The following LYST variants were observed in gnomAD, a reference collection of about 807,000 sequenced individuals.
LYST encodes lysosomal trafficking regulator.
Under a neutral mutation model 413.6 loss-of-function variants are expected in LYST, and 192 were observed. That is an observed-to-expected ratio of 0.46 (90% CI 0.41 to 0.52). The LOEUF is 0.52. LYST is among the 20% of genes least tolerant of loss of function. LYST has a pLI of 0.00. For missense variants in LYST, 3,815 were observed against 4,499.9 expected, an observed-to-expected ratio of 0.85 and a Z score of 4.35; for synonymous variants, 1,525 against 1,567.3, an observed-to-expected ratio of 0.97 and a Z score of 0.64.
chr1:235,722,779 C>T (rs531178941), intron 39 of LYST, among the ~76,000 whole-genome samples: 5 of 152,306 alleles, frequency 3.3e-5, no homozygotes, highest in South Asian at 2.1e-4. Context: ...CCACTGTGCC[C>T]GGCCCTGAGC....
At chr1:235,771,785 A>C (rs571649782) in intron 19 of LYST, among the ~76,000 whole-genome samples, 2 of 152,214 alleles carry the variant, frequency 1.3e-5, no homozygotes, top group South Asian at 2.1e-4. Flanking sequence ...CATACTCTTG[A>C]ATTGCCTCTT....
Position 235,755,498 on chromosome 1 carries a change from T to G in LYST, c.7209A>C (p.Arg2403=), listed in dbSNP as rs1452439148. Residue 2403 remains arginine, a synonymous_variant, in exon 25 of 53, where the codon CGA becomes CGC. Transcript: ENST00000389793. ...CTTACTCTTCATCAAGGCCAATATG[T>G]CGACCAAAGAACATTTCGATGAAGC... ...LECFIEMFFG[R]HIGLDEEFDL... The G allele has an allele frequency of 6.2e-7, 1 of 1,613,826 alleles. No homozygotes were observed. Among genetic ancestry groups the G allele is most frequent in the Non-Finnish European group, 8.5e-7 (1 of 1,179,774 alleles).
rs1680617271 is a variant in LYST at position 235,866,902 on chromosome 1, A to C, written c.-157T>G. ...CCCTCTCCCGGAGAACCCCGAGCCG[A>C]CGCCGCTGCCGCCGCCGCCGCGCAC... On this transcript the variant is annotated 5_prime_UTR_variant, in exon 1 of 53. Coordinates refer to ENST00000389793, the MANE Select transcript of LYST (RefSeq NM_000081.4). The C allele has an allele frequency of 1.3e-5, 2 of 152,672 alleles. No homozygotes were observed. Among genetic ancestry groups the C allele is most frequent in the South Asian group, 1.8e-4 (1 of 5,630 alleles). The allele number at this position is 152,672 out of a possible 1,614,324, so 9.5% of individuals were successfully genotyped here. A position where few individuals can be genotyped will look rare whatever the true frequency, so the allele number is the denominator to read the frequency against.
chr1:235,755,642 T>C lies in LYST; in HGVS notation c.7065A>G (p.Leu2355=). ...TAGATGCTCTAGCAAAATATGCATC[T>C]AATAGCTAAACAAAAAATTTAAGTC... ...PAIQQGVIKL[L]DAYFARASKE... Residue 2355 remains leucine (L), a synonymous_variant, in exon 25 of 53, where the codon TTA becomes TTG. Coordinates refer to ENST00000389793, the MANE Select transcript of LYST (RefSeq NM_000081.4). The C allele has an allele frequency of 6.3e-7, 1 of 1,594,914 alleles. No homozygotes were observed. The highest frequency in any genetic ancestry group is 8.6e-7 in the Non-Finnish European group (1 of 1,163,000).
rs780650325 is a variant in LYST at position 235,746,479 on chromosome 1, A to C, written c.7829T>G (p.Met2610Arg). The change falls in exon 29 of 53, where the codon ATG becomes AGG. Residue 2610 changes from methionine to arginine, a missense_variant. By Grantham distance (91) the Met-to-Arg change is moderately conservative. This residue lies in a region of LYST where 771 missense variants were observed against 837.1 expected (regional missense o/e 0.92). Transcript: ENST00000389793. ...AAGCTCATCATTTGCCACTGAACGC[A>C]TTTTCATCAGAAGCGATTCAGTTTG... ...LAQTESLLMK[M>R]RSVANDELHV... The C allele has an allele frequency of 6.2e-7, 1 of 1,613,838 alleles. No individual in the cohort carries two copies. The highest frequency in any genetic ancestry group is 1.3e-5 in the African/African-American group (1 of 75,002).
At chr1:235,860,165 T>A (rs891222492) in intron 1 of LYST, among the ~76,000 whole-genome samples, 1 of 152,232 alleles carries the variant, frequency 6.6e-6, no homozygotes, top group African/African-American at 2.4e-5. Context: ...AGAAATCTTC[T>A]ATCCTCTTTT....
At chr1:235,820,367 TTTTC>T (rs904205054) in intron 3 of LYST, among the ~76,000 whole-genome samples, 65 of 151,262 alleles carry the variant, frequency 4.3e-4, no homozygotes, top group Middle Eastern at 3.4e-3. Flanking sequence ...ATTTCTTTTC[TTTTC>T]TTTCTTTTTT....
chr1:235,720,987 T>C (rs1346994283), intron 39 of LYST, 82 bp from the exon 40 acceptor site: 13 of 1,376,250 alleles, frequency 9.4e-6, no homozygotes, highest in Middle Eastern at 2.3e-4. Flanking sequence ...CATGACATTA[T>C]AGACATGTTA....
At position 235,793,487 on chromosome 1, in the gene LYST, A is replaced by G; in HGVS notation, c.4116+16T>C. The G allele has an allele frequency of 1.7e-6, 2 of 1,174,118 alleles. No individual in the cohort carries two copies. The highest frequency in any genetic ancestry group is 3.0e-5 in the African/African-American group (2 of 65,976). The allele number at this position is 1,174,118 out of a possible 1,614,324, so 72.7% of individuals were successfully genotyped here. On this transcript the variant is annotated intron_variant, in intron 11 of 52. Coordinates refer to ENST00000389793, the MANE Select transcript of LYST (RefSeq NM_000081.4). ...GAATTTATCAGTGAAAAATGTAAAA[A>G]TTATAGCATATTTACTGTACAAGGA...
In LYST at chr1:235,724,049, C is replaced by A; in HGVS notation, c.9294G>T (p.Leu3098=). 6.2e-7 allele frequency: 1 copy of A among 1,613,764 alleles called. No homozygotes were observed. Among genetic ancestry groups the A allele is most frequent in the South Asian group, 1.1e-5 (1 of 91,068 alleles). Residue 3098 remains leucine, a synonymous_variant, in exon 39 of 53, where the codon CTG becomes CTT. Transcript: ENST00000389793. ...TTACCTTGGTGTTATCAAATGCCAA[C>A]AGGAGTGTTCTGCCATTTGTTAGAA... The part of the protein sequence containing the change: ...EIFLTNGRTL[L]LAFDNTKVRD...
intron 14 of LYST, among the ~76,000 whole-genome samples, chr1:235,782,842 T>C (rs890525938): frequency 2.0e-5 from 3 of 152,228 alleles, no homozygotes; most frequent in Non-Finnish European, 4.4e-5. Flanking sequence ...ACATAACTTC[T>C]TCAAAATTTC....
chr1:235,796,998 A>C (rs747781583), intron 10 of LYST, among the ~76,000 whole-genome samples: 4 of 152,224 alleles, frequency 2.6e-5, no homozygotes, highest in Non-Finnish European at 5.9e-5. Context: ...CAAGAATGTG[A>C]AGAAATTAGA....
At chr1:235,771,913 G>GTTTTTTTTTTTTTTTTTTT (rs1187587312) in intron 19 of LYST, among the ~76,000 whole-genome samples, 1 of 95,182 alleles carries the variant, frequency 1.1e-5, no homozygotes, top group African/African-American at 3.8e-5. Context: ...AGGTTTTTTA[G>GTTTTTTTTTTTTTTTTTTT]TTTGTTTTTT....
intron 29 of LYST, among the ~76,000 whole-genome samples, chr1:235,744,801 G>C (rs1242577073): frequency 2.6e-5 from 4 of 151,514 alleles, no homozygotes; most frequent in African/African-American, 9.7e-5. Flanking sequence ...TCAGGAGGCT[G>C]AGATGGGAGG....
At chr1:235,848,270 C>T (rs1197988871) in intron 1 of LYST, among the ~76,000 whole-genome samples, 2 of 152,116 alleles carry the variant, frequency 1.3e-5, no homozygotes, top group African/African-American at 2.4e-5. Context: ...AAATAACCTG[C>T]TCCTGAATGA....
intron 1 of LYST, among the ~76,000 whole-genome samples, chr1:235,852,447 T>C (rs10926917): frequency 0.029 from 4,467 of 152,304 alleles, 225 homozygotes; most frequent in African/African-American, 0.1. Context: ...GTTAGACATG[T>C]TGAGGTAATC....
At chr1:235,817,024 G>C (rs1418179238) in intron 3 of LYST, among the ~76,000 whole-genome samples, 2 of 152,116 alleles carry the variant, frequency 1.3e-5, no homozygotes, top group Admixed American at 6.5e-5. Context: ...AACTTTATAA[G>C]TAAAAGACAA....
At position 235,806,520 on chromosome 1, in the gene LYST, G is replaced by T. The variant is rs1448756705; in HGVS notation, c.2616C>A (p.Ser872Arg). The change falls in exon 6 of 53, where the codon AGC becomes AGA. Residue 872 changes from serine to arginine, a missense_variant. This residue lies in a region of LYST where 1,648 missense variants were observed against 1,810.3 expected (regional missense o/e 0.91). Transcript: ENST00000389793. The stretch of plus-strand genomic sequence containing the variant: ...CTTCTTTGAGGCCAGCATAAAATTT[G>T]CTGAGACTCTGAGGAGAATCTGAAT... Reference protein sequence around the residue: ...QAYSDSPQSLSKFYAGLKEAY... With the variant: ...QAYSDSPQSLRKFYAGLKEAY... 6.2e-7 allele frequency: 1 copy of T among 1,614,056 alleles called. No homozygotes were observed. The highest frequency in any genetic ancestry group is 8.5e-7 in the Non-Finnish European group (1 of 1,179,978).
intron 31 of LYST, chr1:235,737,921 G>A: frequency 1.4e-3 from 1,596 of 1,176,192 alleles, no homozygotes; most frequent in Admixed American, 9.3e-3. Context: ...CGACGAGTCT[G>A]GATCTCACTG....
Sources: gnomAD v4.1 joint callset for allele counts (sites outside exome capture counted in the v4.1 genomes callset) on GRCh38, gnomAD v4.1.1 for gene constraint, gnomAD v4.1.1 regional missense constraint, MANE v1.5 for transcripts, NCBI Gene and HGNC (gene_info 2026-07-23, HGNC 2026-07-21) for gene names.